The following PJA2 variants were observed in gnomAD, a reference collection of about 807,000 sequenced individuals.
PJA2 encodes the protein praja ring finger ubiquitin ligase 2, also known as E3 ubiquitin-protein ligase Praja-2.
Under a neutral mutation model 69.3 loss-of-function variants are expected in PJA2, and 25 were observed. The ratio of observed to expected loss-of-function variants is 0.36; its 90% CI spans 0.26 to 0.50. The LOEUF is 0.50. Among genes scored for constraint, PJA2 ranks in the 20% least tolerant of loss-of-function variants. The pLI is 0.96. For synonymous variants in PJA2, 308 were observed against 277.8 expected, an observed-to-expected ratio of 1.11 and a Z score of -1.08; for missense variants, 809 against 830.2, an observed-to-expected ratio of 0.97 and a Z score of 0.31.
chr5:109,380,086 CTTTTTTT>C (rs35217352), intron 3 of PJA2, among the ~76,000 whole-genome samples: 69 of 74,222 alleles, frequency 9.3e-4, no homozygotes, highest in Middle Eastern at 0.012. Flanking sequence ...ACGAAGGGTT[CTTTTTTT>C]TTTTTTTTTT....
intron 1 of PJA2, among the ~76,000 whole-genome samples, chr5:109,404,846 C>T (rs952833497): frequency 7.2e-5 from 11 of 152,222 alleles, no homozygotes; most frequent in Admixed American, 3.3e-4. Context: ...CTATCACACT[C>T]AATAATGAAA....
intron 7 of PJA2, among the ~76,000 whole-genome samples, chr5:109,345,513 CAAAA>C (rs531364060): frequency 1.1e-5 from 1 of 91,816 alleles, no homozygotes; most frequent in African/African-American, 4.2e-5. Flanking sequence ...GACTCTGTCT[CAAAA>C]AAAAAAAAAA....
chr5:109,353,395 TTAGA>T (rs1365869464), intron 7 of PJA2, among the ~76,000 whole-genome samples: 2 of 137,124 alleles, frequency 1.5e-5, no homozygotes, highest in Non-Finnish European at 3.1e-5. Flanking sequence ...CATCTATATA[TTAGA>T]TACCTATATC....
At chr5:109,396,701 G>A (rs1028881118) in intron 1 of PJA2, among the ~76,000 whole-genome samples, 6 of 144,754 alleles carry the variant, frequency 4.1e-5, no homozygotes, top group Non-Finnish European at 7.5e-5. Flanking sequence ...CTAGGATTAC[G>A]GGGATGAGCA....
chr5:109,378,650 T>C lies in PJA2; in HGVS notation c.837A>G (p.Thr279=), dbSNP rs769845306. ...QQNNTSQERQ[T]EHSPEDAACG... ...AGGCTGCATCTTCAGGTGAATGTTC[T>C]GTCTGTCTTTCCTGGCTAGTATTAT... Residue 279 remains threonine (T), a synonymous_variant, in exon 4 of 10, where the codon ACA becomes ACG. Transcript: ENST00000361189. 2 of 1,614,210 alleles carry C rather than the reference T, an allele frequency of 1.2e-6. No individual in the cohort carries two copies. Among genetic ancestry groups the C allele is most frequent in the Non-Finnish European group, 1.7e-6 (2 of 1,180,032 alleles).
At chr5:109,395,539 TA>T (rs1389969670) in intron 1 of PJA2, among the ~76,000 whole-genome samples, 3 of 151,932 alleles carry the variant, frequency 2.0e-5, no homozygotes, top group South Asian at 2.1e-4. Context: ...GGGGAGGGAA[TA>T]AAAATCTTCC....
intron 7 of PJA2, among the ~76,000 whole-genome samples, chr5:109,347,833 C>T (rs768895519): frequency 3.9e-5 from 6 of 152,154 alleles, no homozygotes; most frequent in Non-Finnish European, 7.3e-5. Context: ...CTAGCCAATC[C>T]CTTGGTATTC....
At chr5:109,358,440 C>T (rs1490204326) in intron 6 of PJA2, among the ~76,000 whole-genome samples, 2 of 152,166 alleles carry the variant, frequency 1.3e-5, no homozygotes, top group African/African-American at 4.8e-5. Context: ...GTTTGGGGCT[C>T]TCAGCTCTGA....
At chr5:109,386,073 T>C (rs1747148915) in intron 1 of PJA2, among the ~76,000 whole-genome samples, 3 of 151,770 alleles carry the variant, frequency 2.0e-5, no homozygotes, top group Admixed American at 2.0e-4. Context: ...CCCAGCACTT[T>C]GGAAGGCCAA....
In PJA2 at chr5:109,381,764, T is replaced by C. The variant is rs538363784; in HGVS notation, c.32-61A>G. Reference sequence around the variant, plus strand: ...CAATGAGCTTTATTCTTGCAACCTGTTGGGGAAAACTACTTCAGTTTATAT... The same window carrying C: ...CAATGAGCTTTATTCTTGCAACCTGCTGGGGAAAACTACTTCAGTTTATAT... On this transcript the variant is annotated intron_variant, in intron 2 of 9. Transcript: ENST00000361189. The C allele has an allele frequency of 5.9e-5, 86 of 1,449,288 alleles. 1 individual carries two copies. In the African/African-American group the frequency reaches 1.0e-3, roughly 17 times the overall value. The allele number at this position is 1,449,288 out of a possible 1,614,324, so 89.8% of individuals were successfully genotyped here. A position where few individuals can be genotyped will look rare whatever the true frequency, so the allele number is the denominator to read the frequency against.
chr5:109,370,161 T>G (rs1214361676), intron 4 of PJA2, among the ~76,000 whole-genome samples: 1 of 152,154 alleles, frequency 6.6e-6, no homozygotes, highest in African/African-American at 2.4e-5. Context: ...GGCTAAAATA[T>G]TACTTATCAA....
chr5:109,357,528 T>C (rs541064344), intron 6 of PJA2, among the ~76,000 whole-genome samples: 4 of 152,184 alleles, frequency 2.6e-5, no homozygotes, highest in Non-Finnish European at 5.9e-5. Flanking sequence ...TGAAACTCCC[T>C]CATCTAGCAG....
At chr5:109,365,277 G>A (rs1762566589) in intron 5 of PJA2, among the ~76,000 whole-genome samples, 1 of 152,188 alleles carries the variant, frequency 6.6e-6, no homozygotes, top group African/African-American at 2.4e-5. Context: ...GAGCTTCTTA[G>A]AATATGTGAC....
rs775389572 is a variant in PJA2, at chr5:109,378,572, G to A, written c.915C>T (p.Asn305=). Residue 305 remains asparagine, a synonymous_variant, in exon 4 of 10, where the codon AAC becomes AAT. Transcript: ENST00000361189. ...SEQNTNDREK[N]HGSSPEQVVR... is the part of the protein sequence containing the mutation. ...CTACCTGTTCAGGAGAACTTCCATGGTTCTTTTCCCTATCATTGGTATTTT... is the reference window on the plus strand; with the variant it reads ...CTACCTGTTCAGGAGAACTTCCATGATTCTTTTCCCTATCATTGGTATTTT... 6.2e-7 allele frequency: 1 copy of A among 1,613,954 alleles called. No individual in the cohort carries two copies. The highest frequency in any genetic ancestry group is 1.3e-5 in the African/African-American group (1 of 74,904).
intron 4 of PJA2, among the ~76,000 whole-genome samples, chr5:109,369,927 G>A (rs1762648132): frequency 1.3e-5 from 2 of 151,820 alleles, no homozygotes; most frequent in Admixed American, 6.6e-5. Context: ...AGCTACTTGG[G>A]AGGCTGAGGC....
At chr5:109,354,392 G>GATATCT (rs1561346228) in intron 7 of PJA2, among the ~76,000 whole-genome samples, 2 of 128,504 alleles carry the variant, frequency 1.6e-5, no homozygotes, top group African/African-American at 3.3e-5. Context: ...AGATATCTCT[G>GATATCT]ATATCTAGAG....
chr5:109,390,420 T>C (rs374369001), intron 1 of PJA2, among the ~76,000 whole-genome samples: 2 of 152,084 alleles, frequency 1.3e-5, no homozygotes, highest in African/African-American at 4.8e-5. Context: ...CTTTTGGTAT[T>C]TGCAACAATA....
intron 9 of PJA2, 70 bp downstream of exon 9, chr5:109,344,120 A>AAT: frequency 3.2e-5 from 27 of 838,716 alleles, no homozygotes; most frequent in African/African-American, 3.7e-5. Context: ...AAAAAAAAAA[A>AAT]GATACTATTA....
chr5:109,362,786 A>G, intron 6 of PJA2, 54 bp downstream of exon 6: 1 of 1,441,940 alleles, frequency 6.9e-7, no homozygotes, highest in Non-Finnish European at 9.4e-7. Context: ...TTCATAAATT[A>G]GAATCATGAA....
Sources: gnomAD v4.1 joint callset for allele counts (sites outside exome capture counted in the v4.1 genomes callset) on GRCh38, gnomAD v4.1.1 for gene constraint, MANE v1.5 for transcripts, NCBI Gene and HGNC (gene_info 2026-07-23, HGNC 2026-07-21) for gene names.